The following KCNQ3 variants were observed in gnomAD, a reference collection of about 807,000 sequenced individuals.
KCNQ3 encodes potassium voltage-gated channel subfamily KQT member 3.
A neutral mutation model predicts 92.5 loss-of-function variants in KCNQ3; 30 were observed. The ratio of observed to expected loss-of-function variants is 0.32; its 90% CI spans 0.24 to 0.44. KCNQ3 has a LOEUF of 0.44. Among genes scored for constraint, KCNQ3 ranks in the 20% least tolerant of loss-of-function variants. KCNQ3 has a pLI of 1.00. For synonymous variants in KCNQ3, 450 were observed against 468.8 expected, an observed-to-expected ratio of 0.96 and a Z score of 0.52; for missense variants, 913 against 1,140.3, an observed-to-expected ratio of 0.80 and a Z score of 2.87.
intron 1 of KCNQ3, among the ~76,000 whole-genome samples, chr8:132,377,602 G>A (rs1164821230): frequency 1.3e-5 from 2 of 152,104 alleles, no homozygotes; most frequent in Non-Finnish European, 1.5e-5. Flanking sequence ...TTCTAGCTCT[G>A]GCTGAGACTA....
At chr8:132,353,397 C>G (rs1170735385) in intron 1 of KCNQ3, among the ~76,000 whole-genome samples, 5 of 152,056 alleles carry the variant, frequency 3.3e-5, no homozygotes, top group Non-Finnish European at 7.4e-5. Context: ...CTAAGGACAA[C>G]CATTGGGCAC....
chr8:132,347,447 C>T (rs921643705), intron 1 of KCNQ3, among the ~76,000 whole-genome samples: 2 of 152,124 alleles, frequency 1.3e-5, no homozygotes, highest in African/African-American at 2.4e-5. Flanking sequence ...CGGTTGTGTT[C>T]TTTGACCTTG....
intron 14 of KCNQ3, 37 bp from the exon 15 acceptor site, chr8:132,130,033 C>A: frequency 1.2e-6 from 2 of 1,607,066 alleles, no homozygotes; most frequent in South Asian, 2.2e-5. Flanking sequence ...ACCACTTTCT[C>A]TGAGGGTGGG....
intron 1 of KCNQ3, among the ~76,000 whole-genome samples, chr8:132,320,669 T>C (rs1817870537): frequency 6.6e-6 from 1 of 152,164 alleles, no homozygotes; most frequent in African/African-American, 2.4e-5. Flanking sequence ...GGAAATCTAA[T>C]ACATACTGAC....
intron 1 of KCNQ3, among the ~76,000 whole-genome samples, chr8:132,444,366 G>T (rs998634875): frequency 6.6e-6 from 1 of 152,126 alleles, no homozygotes; most frequent in Non-Finnish European, 1.5e-5. Flanking sequence ...TACAACTGGG[G>T]TCATCTGTCC....
chr8:132,467,785 T>C (rs1383664308), intron 1 of KCNQ3, among the ~76,000 whole-genome samples: 4 of 152,182 alleles, frequency 2.6e-5, no homozygotes, highest in Non-Finnish European at 4.4e-5. Context: ...AGCAAAACTA[T>C]ACTTCGGACA....
intron 1 of KCNQ3, among the ~76,000 whole-genome samples, chr8:132,235,496 A>G: frequency 6.6e-6 from 1 of 152,180 alleles, no homozygotes; most frequent in East Asian, 1.9e-4. Context: ...GTGAGACGCC[A>G]TCTCAAAAAA....
intron 13 of KCNQ3, 108 bp from the exon 14 acceptor site, chr8:132,132,372 C>A: frequency 1.2e-6 from 1 of 824,188 alleles, no homozygotes; most frequent in Non-Finnish European, 2.1e-6. Flanking sequence ...CTCACCCTCA[C>A]ACTTGTGTGG....
chr8:132,445,430 C>T (rs1202385566), intron 1 of KCNQ3, among the ~76,000 whole-genome samples: 1 of 152,022 alleles, frequency 6.6e-6, no homozygotes, highest in Non-Finnish European at 1.5e-5. Flanking sequence ...GACACATTAG[C>T]TTGCATTTAT....
chr8:132,136,647 T>A (rs561496279), intron 12 of KCNQ3, among the ~76,000 whole-genome samples: 7 of 152,270 alleles, frequency 4.6e-5, no homozygotes, highest in Middle Eastern at 3.4e-3. Context: ...TTAGTTAACA[T>A]CATCACAAGG....
At chr8:132,151,123 T>C (rs1190642062) in intron 9 of KCNQ3, among the ~76,000 whole-genome samples, 1 of 152,188 alleles carries the variant, frequency 6.6e-6, no homozygotes, top group African/African-American at 2.4e-5. Flanking sequence ...ACTTTTCAAT[T>C]TGCCAGCTTC....
chr8:132,155,195 G>A (rs1825766139), intron 9 of KCNQ3, among the ~76,000 whole-genome samples: 1 of 152,140 alleles, frequency 6.6e-6, no homozygotes, highest in Admixed American at 6.5e-5. Flanking sequence ...CAGATTGTGA[G>A]GGCCTTTCCC....
At chr8:132,227,509 C>T (rs550654981) in intron 1 of KCNQ3, among the ~76,000 whole-genome samples, 1 of 152,192 alleles carries the variant, frequency 6.6e-6, no homozygotes, top group Non-Finnish European at 1.5e-5. Flanking sequence ...CTTGCTGACA[C>T]ACTGATCGTG....
chr8:132,260,686 A>C (rs1002492504), intron 1 of KCNQ3, among the ~76,000 whole-genome samples: 2 of 152,094 alleles, frequency 1.3e-5, no homozygotes, highest in Admixed American at 6.5e-5. Context: ...ACAGCAGCTG[A>C]AATTAAGTGT....
intron 1 of KCNQ3, among the ~76,000 whole-genome samples, chr8:132,422,778 G>C (rs946773774): frequency 6.6e-6 from 1 of 152,180 alleles, no homozygotes; most frequent in Admixed American, 6.5e-5. Flanking sequence ...TCCGCAACTA[G>C]AGAGTCAGCT....
At chr8:132,386,970 T>C (rs981657824) in intron 1 of KCNQ3, among the ~76,000 whole-genome samples, 4 of 152,210 alleles carry the variant, frequency 2.6e-5, no homozygotes, top group Non-Finnish European at 5.9e-5. Flanking sequence ...TGGTGATGGA[T>C]ATGCTAGTTA....
chr8:132,465,763 A>C (rs1400548278), intron 1 of KCNQ3, among the ~76,000 whole-genome samples: 1 of 151,650 alleles, frequency 6.6e-6, no homozygotes, highest in Non-Finnish European at 1.5e-5. Flanking sequence ...CAAACAAAAA[A>C]TAGTGGGCAT....
At chr8:132,474,317 C>T (rs954559239) in intron 1 of KCNQ3, among the ~76,000 whole-genome samples, 1 of 152,096 alleles carries the variant, frequency 6.6e-6, no homozygotes, top group African/African-American at 2.4e-5. Flanking sequence ...TGTAATCATC[C>T]TCAATTTATA....
chr8:132,392,406 C>T (rs1201862671), intron 1 of KCNQ3, among the ~76,000 whole-genome samples: 1 of 152,082 alleles, frequency 6.6e-6, no homozygotes, highest in Non-Finnish European at 1.5e-5. Context: ...TAAATCTTCC[C>T]CGGCCACACC....
Sources: allele counts gnomAD v4.1 joint callset (sites outside exome capture counted in the v4.1 genomes callset), GRCh38; gene constraint gnomAD v4.1.1; transcripts MANE v1.5; gene names NCBI Gene and HGNC (gene_info 2026-07-23, HGNC 2026-07-21).